Variants in RHCE observed in about 807,000 individuals in gnomAD.
RHCE encodes the protein Rh blood group CcEe antigens.
RHCE carries 22 observed loss-of-function variants against 43.8 expected under a neutral mutation model. That is an observed-to-expected ratio of 0.50 (90% CI 0.36 to 0.72). The LOEUF is 0.72. Ranked by LOEUF, RHCE falls within the 30% of genes least tolerant of loss-of-function variation. RHCE has a pLI of 0.00. For missense variants in RHCE, 385 were observed against 525.4 expected (o/e 0.73, Z 2.61); for synonymous variants, 156 against 210.7 (o/e 0.74, Z 2.25).
chr1:25,379,498 T>G (rs1318414930), intron 7 of RHCE, among the ~76,000 whole-genome samples: 1 of 32,262 alleles, frequency 3.1e-5, no homozygotes, highest in African/African-American at 3.2e-4. Flanking sequence ...TATATATATT[T>G]TTTTTTTTTT....
rs1246433479 is a variant in RHCE, at chr1:25,369,959, G to A, written c.1227+508C>T. On this transcript the variant is annotated intron_variant, in intron 9 of 9. Transcript: ENST00000294413. ...TTGACACGTTGGCCAGGCTGGTCTCGAACTCCTGGCCTCAGGTGATCGCCC... is the reference window on the plus strand; with the variant it reads ...TTGACACGTTGGCCAGGCTGGTCTCAAACTCCTGGCCTCAGGTGATCGCCC... 2.0e-5 allele frequency among the ~76,000 whole-genome samples: 3 copies of A among 151,182 alleles called. 1 individual carries two copies. The highest frequency in any genetic ancestry group is 4.9e-5 in the African/African-American group (2 of 40,724).
chr1:25,395,511 G>C (rs533327969), intron 3 of RHCE, among the ~76,000 whole-genome samples: 9 of 152,272 alleles, frequency 5.9e-5, no homozygotes, highest in African/African-American at 1.7e-4. Flanking sequence ...CCTGCCCTTG[G>C]AGGTTCTTTT....
upstream of RHCE, among the ~76,000 whole-genome samples, chr1:25,423,692 T>C: frequency 6.6e-6 from 1 of 152,240 alleles, no homozygotes; most frequent in East Asian, 1.9e-4. Flanking sequence ...CGATATTCTG[T>C]CTTTAAATCT....
At chr1:25,396,444 A>G (rs1471411694) in intron 3 of RHCE, among the ~76,000 whole-genome samples, 1 of 152,226 alleles carries the variant, frequency 6.6e-6, no homozygotes, top group African/African-American at 2.4e-5. Context: ...GTTTTAGGAA[A>G]TTGTGTTAGT....
intron 6 of RHCE, among the ~76,000 whole-genome samples, chr1:25,387,581 C>CT (rs1174193143): frequency 6.6e-6 from 1 of 152,200 alleles, no homozygotes; most frequent in African/African-American, 2.4e-5. Context: ...GCTATGTGTT[C>CT]TTTTTTCTGC....
At chr1:25,369,682 T>C (rs1645545077) in intron 9 of RHCE, among the ~76,000 whole-genome samples, 1 of 150,572 alleles carries the variant, frequency 6.6e-6, no homozygotes, top group Admixed American at 6.6e-5. Context: ...TTATCATTTA[T>C]CAAGAGCTGT....
chr1:25,390,796 C>T lies in RHCE; in HGVS notation c.754G>A (p.Ala252Thr). Residue 252 changes from alanine to threonine, a missense_variant, in exon 5 of 10, where the codon GCC (alanine) becomes ACC (threonine). Physicochemically the swap from Ala to Thr is moderately conservative, Grantham distance 58. Transcript: ENST00000294413. ...YYALAVSVVT[A>T]ISGSSLAHPQ... ...TGAGCCAAGGATGACCCTGAGATGG[C>T]TGTCACCACACTGACTGCTAGAGCA... The T allele has an allele frequency of 6.2e-7, 1 of 1,614,244 alleles. No homozygotes were observed. The highest frequency in any genetic ancestry group is 8.5e-7 in the Non-Finnish European group (1 of 1,180,044).
Position 25,388,957 on chromosome 1 carries a change from T to G in RHCE, c.939+19A>C. ...GGCCTTCAGCCAAAGCAGAGAGCAT[T>G]AGTTGTCTAGTTTCTTACCGGCAGG... On this transcript the variant is annotated intron_variant, in intron 6 of 9. Transcript: ENST00000294413. The G allele has an allele frequency of 6.2e-7, 1 of 1,614,166 alleles. No homozygotes were observed. Among genetic ancestry groups the G allele is most frequent in the Non-Finnish European group, 8.5e-7 (1 of 1,180,034 alleles).
intron 2 of RHCE, among the ~76,000 whole-genome samples, chr1:25,406,242 C>CCCTCAAT: frequency 1.1e-5 from 1 of 87,150 alleles, no homozygotes; most frequent in East Asian, 5.3e-4. Flanking sequence ...GGCGTGCGTG[C>CCCTCAAT]GTGCGTGCGT....
chr1:25,382,213 T>C (rs1158867849), intron 7 of RHCE, among the ~76,000 whole-genome samples: 2 of 148,128 alleles, frequency 1.4e-5, no homozygotes. Flanking sequence ...ACATATGAAT[T>C]GAAGGATTAA....
chr1:25,428,850 C>A (rs904576533), intron 2 of RHCE: 1 of 152,318 alleles, frequency 6.6e-6, no homozygotes, highest in Non-Finnish European at 1.5e-5. Flanking sequence ...AAACCACACA[C>A]CAGAAGCGGC....
chr1:25,369,725 T>C (rs1263616085), intron 9 of RHCE, among the ~76,000 whole-genome samples: 1 of 137,766 alleles, frequency 7.3e-6, no homozygotes, highest in Non-Finnish European at 1.5e-5. Context: ...TCACACACTG[T>C]AAGAATTTTT....
At position 25,362,429 on chromosome 1, in the gene RHCE, T is replaced by G; in HGVS notation, c.*98A>C. 6.2e-7 allele frequency: 1 copy of G among 1,613,770 alleles called. No homozygotes were observed. Among genetic ancestry groups the G allele is most frequent in the Non-Finnish European group, 8.5e-7 (1 of 1,179,778 alleles). On this transcript the variant is annotated 3_prime_UTR_variant, in exon 10 of 10. Transcript: ENST00000294413. ...CTTGTTTCATTATACATAAGGAGACTTTGCTGTCATGAGCGTTTCTCACGT... is the reference window on the plus strand; with the variant it reads ...CTTGTTTCATTATACATAAGGAGACGTTGCTGTCATGAGCGTTTCTCACGT...
chr1:25,391,650 T>C (rs903715542), intron 4 of RHCE, among the ~76,000 whole-genome samples: 4 of 152,136 alleles, frequency 2.6e-5, no homozygotes, highest in African/African-American at 9.7e-5. Context: ...TACAACATTA[T>C]TACTATTCCC....
intron 7 of RHCE, among the ~76,000 whole-genome samples, chr1:25,379,345 C>T (rs887446009): frequency 2.5e-4 from 37 of 150,810 alleles, no homozygotes; most frequent in Middle Eastern, 3.4e-3. Context: ...GAGATTAAGT[C>T]TCCAACACAT....
intron 1 of RHCE, chr1:25,411,312 C>T: frequency 6.5e-7 from 1 of 1,550,068 alleles, no homozygotes. Context: ...TCAACATCAT[C>T]ATGACAATCA....
chr1:25,392,073 C>T lies in RHCE; in HGVS notation c.555G>A (p.Trp185Ter). 1 of 1,614,154 alleles carries T rather than the reference C, an allele frequency of 6.2e-7. No individual in the cohort carries two copies. Among genetic ancestry groups the T allele is most frequent in the Non-Finnish European group, 8.5e-7 (1 of 1,180,028 alleles). Reference protein sequence around the residue: ...FAAYFGLTVAWCLPKPLPKGT... With the variant: ...FAAYFGLTVA Reference sequence around the variant, plus strand: ...CCTTGGGTAGAGGCTTTGGCAGGCACCAGGCCACAGTCAGCCCAAAATAGG... The same window carrying T: ...CCTTGGGTAGAGGCTTTGGCAGGCATCAGGCCACAGTCAGCCCAAAATAGG... Residue 185 changes from tryptophan (W) to a stop codon, truncating the protein, a stop_gained, in exon 4 of 10, where the codon TGG (tryptophan) becomes TGA (stop). Coordinates refer to ENST00000294413, the MANE Select transcript of RHCE (RefSeq NM_020485.8). LOFTEE classifies it high-confidence loss of function.
intron 1 of RHCE, among the ~76,000 whole-genome samples, chr1:25,410,523 G>A (rs192538769): frequency 4.0e-5 from 6 of 151,780 alleles, no homozygotes; most frequent in Admixed American, 3.9e-4. Context: ...TCTGCCTCCC[G>A]GGTTCAAGTG....
rs1293271 is a variant in RHCE, at chr1:25,400,271, T to G, written c.486+2325A>C. On this transcript the variant is annotated intron_variant, in intron 3 of 9. Transcript: ENST00000294413. ...GCTCTTGAATCAGTCAAGCCAGGCT[T>G]TTGCCTTCATCCTCCTCTACAACCA... is the stretch of plus-strand genomic sequence containing the variant. Among the ~76,000 whole-genome samples the G allele has an allele frequency of 2.6e-3, 397 of 152,350 alleles. 1 individual carries two copies. Among genetic ancestry groups the G allele is most frequent in the African/African-American group, 6.3e-3 (262 of 41,568 alleles).
Sources: gnomAD v4.1 joint callset for allele counts (sites outside exome capture counted in the v4.1 genomes callset) on GRCh38, gnomAD v4.1.1 for gene constraint, MANE v1.5 for transcripts, NCBI Gene and HGNC (gene_info 2026-07-23, HGNC 2026-07-21) for gene names.